Variants in DLG2 observed in about 807,000 individuals in gnomAD.
DLG2 encodes the protein discs large MAGUK scaffold protein 2.
In DLG2, 45 loss-of-function variants were observed where a neutral mutation model predicts 132.5. That is an observed-to-expected ratio of 0.34 (90% CI 0.27 to 0.44). The LOEUF is 0.44. DLG2 is among the 20% of genes least tolerant of loss of function. The pLI, the probability that DLG2 is intolerant of heterozygous loss-of-function variation, is 1.00. For synonymous variants in DLG2, 424 were observed against 419.6 expected (o/e 1.01, Z -0.13); for missense variants, 1,045 against 1,196.9 (o/e 0.87, Z 1.87).
At chr11:83,586,343 C>T (rs1398139568) in intron 19 of DLG2, among the ~76,000 whole-genome samples, 1 of 152,238 alleles carries the variant, frequency 6.6e-6, no homozygotes, top group Non-Finnish European at 1.5e-5. Flanking sequence ...TTCAACATTT[C>T]TGTTATAGCA....
intron 18 of DLG2, among the ~76,000 whole-genome samples, chr11:83,763,627 T>G (rs541891038): frequency 5.3e-5 from 8 of 152,186 alleles, no homozygotes; most frequent in Non-Finnish European, 8.8e-5. Context: ...AAAGGCAACT[T>G]TTTCCACATT....
intron 6 of DLG2, among the ~76,000 whole-genome samples, chr11:85,083,819 C>T (rs547556034): frequency 6.6e-6 from 1 of 152,154 alleles, no homozygotes; most frequent in East Asian, 1.9e-4. Context: ...TTTAAGGTCT[C>T]TGTTTTAATG....
chr11:83,473,160 AC>A (rs1378122078), intron 22 of DLG2, among the ~76,000 whole-genome samples: 1 of 152,132 alleles, frequency 6.6e-6, no homozygotes, highest in Non-Finnish European at 1.5e-5. Flanking sequence ...GAATTGCTGT[AC>A]CTTTTATTTC....
chr11:84,223,121 T>G (rs2096938752), intron 8 of DLG2, among the ~76,000 whole-genome samples: 1 of 152,166 alleles, frequency 6.6e-6, no homozygotes, highest in South Asian at 2.1e-4. Context: ...TAACTGGGAC[T>G]TATAAGGAAT....
chr11:84,680,356 T>C (rs886273598), intron 6 of DLG2, among the ~76,000 whole-genome samples: 2 of 152,148 alleles, frequency 1.3e-5, no homozygotes, highest in Admixed American at 6.5e-5. Flanking sequence ...CCAGTATCAG[T>C]ATGAAGATAA....
chr11:85,503,774 A>G (rs1310415876), intron 3 of DLG2, among the ~76,000 whole-genome samples: 1 of 152,044 alleles, frequency 6.6e-6, no homozygotes, highest in Non-Finnish European at 1.5e-5. Flanking sequence ...TCTACTAAAA[A>G]TCAAAAAATT....
chr11:84,745,650 C>CTATAAGCTCCTT (rs1180199142), intron 6 of DLG2, among the ~76,000 whole-genome samples: 6 of 152,082 alleles, frequency 3.9e-5, no homozygotes, highest in African/African-American at 1.4e-4. Context: ...GATAGCTCCT[C>CTATAAGCTCCTT]TATAAGCAAT....
intron 9 of DLG2, among the ~76,000 whole-genome samples, chr11:84,142,539 G>T (rs937362338): frequency 6.6e-6 from 1 of 152,080 alleles, no homozygotes; most frequent in African/African-American, 2.4e-5. Flanking sequence ...ATTGCCTCTG[G>T]TGTGTCTGTG....
At chr11:83,909,714 C>T (rs1378580626) in intron 15 of DLG2, among the ~76,000 whole-genome samples, 1 of 152,102 alleles carries the variant, frequency 6.6e-6, no homozygotes, top group Non-Finnish European at 1.5e-5. Context: ...ATGCTGGACC[C>T]AAGGGTCATT....
At chr11:83,798,584 C>T (rs1439199683) in intron 17 of DLG2, among the ~76,000 whole-genome samples, 3 of 152,026 alleles carry the variant, frequency 2.0e-5, no homozygotes, top group African/African-American at 7.2e-5. Context: ...TGGGAAAAGG[C>T]TAGATAATTG....
intron 7 of DLG2, among the ~76,000 whole-genome samples, chr11:84,471,942 A>G (rs72943735): frequency 0.023 from 3,435 of 151,928 alleles, 60 homozygotes; most frequent in South Asian, 0.036. Context: ...TAGTAGCATT[A>G]GAAACTGATT....
Position 84,235,949 on chromosome 11 carries a change from G to C in DLG2, c.573+15289C>G, listed in dbSNP as rs558570521. ...ATGTACAAAATTTTAATAGTGCCTAGAGTATGGTTCAGTAATAGCTATTTT... is the reference window on the plus strand; with the variant it reads ...ATGTACAAAATTTTAATAGTGCCTACAGTATGGTTCAGTAATAGCTATTTT... On this transcript the variant is annotated intron_variant, in intron 8 of 27. Transcript: ENST00000376104. 1.6e-4 allele frequency among the ~76,000 whole-genome samples: 25 copies of C among 151,878 alleles called. 2 individuals carry two copies. In the South Asian group the frequency reaches 5.2e-3, roughly 32 times the overall value.
intron 6 of DLG2, among the ~76,000 whole-genome samples, chr11:84,868,405 C>T (rs2084962457): frequency 6.6e-6 from 1 of 152,116 alleles, no homozygotes; most frequent in Non-Finnish European, 1.5e-5. Flanking sequence ...ATTCTGCATT[C>T]ATTGCTTCAA....
At chr11:84,000,712 A>G (rs2094302545) in intron 11 of DLG2, among the ~76,000 whole-genome samples, 1 of 152,134 alleles carries the variant, frequency 6.6e-6, no homozygotes, top group Admixed American at 6.6e-5. Flanking sequence ...TGATATATTA[A>G]AAGTTTCAAA....
At chr11:83,938,670 C>T (rs777324085) in intron 14 of DLG2, among the ~76,000 whole-genome samples, 2 of 152,078 alleles carry the variant, frequency 1.3e-5, no homozygotes, top group African/African-American at 2.4e-5. Context: ...TACCAAAAAC[C>T]TACTTTGTGG....
intron 5 of DLG2, among the ~76,000 whole-genome samples, chr11:85,128,059 A>G (rs1250102861): frequency 6.6e-6 from 1 of 152,178 alleles, no homozygotes; most frequent in Non-Finnish European, 1.5e-5. Context: ...CTACATCAAG[A>G]AAAGCTTCTT....
intron 18 of DLG2, among the ~76,000 whole-genome samples, chr11:83,759,764 T>C (rs576901908): frequency 3.2e-4 from 49 of 152,256 alleles, no homozygotes; most frequent in Middle Eastern, 3.4e-3. Context: ...TTTATACTAG[T>C]AGCTAAGATG....
chr11:85,060,040 G>A (rs769351757), intron 6 of DLG2, among the ~76,000 whole-genome samples: 2 of 151,534 alleles, frequency 1.3e-5, no homozygotes, highest in African/African-American at 2.4e-5. Flanking sequence ...CAGTAGATCT[G>A]TAGAACTTTT....
intron 7 of DLG2, among the ~76,000 whole-genome samples, chr11:84,345,884 A>G (rs1327665820): frequency 2.0e-5 from 3 of 152,162 alleles, no homozygotes; most frequent in African/African-American, 7.2e-5. Flanking sequence ...AGTATCCGAG[A>G]CTGTCTGGCC....
Sources: gnomAD v4.1 joint callset for allele counts (sites outside exome capture counted in the v4.1 genomes callset) on GRCh38, gnomAD v4.1.1 for gene constraint, MANE v1.5 for transcripts, NCBI Gene and HGNC (gene_info 2026-07-23, HGNC 2026-07-21) for gene names.